The following NOP53 variants were observed in gnomAD, a reference collection of about 807,000 sequenced individuals.
The protein encoded by NOP53 is ribosome biogenesis protein NOP53.
Under a neutral mutation model 61.0 loss-of-function variants are expected in NOP53, and 40 were observed. That is an observed-to-expected ratio of 0.66 (90% CI 0.51 to 0.85). The LOEUF (loss-of-function observed/expected upper bound fraction) is 0.85, where lower values mean the gene tolerates loss of function less well. Among genes scored for constraint, NOP53 ranks in the 40% least tolerant of loss-of-function variants. NOP53 has a pLI of 0.00. For synonymous variants in NOP53, 308 were observed against 289.5 expected (o/e 1.06, Z -0.65); for missense variants, 689 against 652.9 (o/e 1.06, Z -0.60).
intron 8 of NOP53, among the ~76,000 whole-genome samples, 155 bp downstream of exon 8, chr19:47,755,046 G>C (rs1383238160): frequency 6.6e-6 from 1 of 152,182 alleles, no homozygotes; most frequent in Non-Finnish European, 1.5e-5. Flanking sequence ...TCACAGCTGA[G>C]ACTCATTTCC....
intron 1 of NOP53, chr19:47,746,052 C>T: frequency 2.0e-6 from 1 of 488,290 alleles, no homozygotes; most frequent in Non-Finnish European, 3.6e-6. Context: ...TAATTTTTAG[C>T]ATAAATACGT....
In NOP53 at chr19:47,745,724, G is replaced by A. The variant is rs1322029752; in HGVS notation, c.165G>A (p.Pro55=). 6.2e-7 allele frequency: 1 copy of A among 1,609,748 alleles called. No homozygotes were observed. Among genetic ancestry groups the A allele is most frequent in the South Asian group, 1.1e-5 (1 of 90,914 alleles). ...KRGWRRLAQE[P]LGLEVDQFLE... ...GCTGGCGGCGGCTTGCTCAGGAGCCGCTGGGGCTGGAGGTTGACCAGTTCC... is the reference window on the plus strand; with the variant it reads ...GCTGGCGGCGGCTTGCTCAGGAGCCACTGGGGCTGGAGGTTGACCAGTTCC... Residue 55 remains proline, a synonymous_variant, in exon 1 of 13, where the codon CCG becomes CCA. Coordinates refer to ENST00000246802, the MANE Select transcript of NOP53 (RefSeq NM_015710.5).
Position 47,754,934 on chromosome 19 carries a change from C to T in NOP53, c.1053+43C>T, listed in dbSNP as rs911084354. 22 of 1,455,948 alleles carry T rather than the reference C, an allele frequency of 1.5e-5. No individual in the cohort carries two copies. The highest frequency in any genetic ancestry group is 1.9e-5 in the Non-Finnish European group (21 of 1,108,724). The allele number at this position is 1,455,948 out of a possible 1,614,324, so 90.2% of individuals were successfully genotyped here. A position where few individuals can be genotyped will look rare whatever the true frequency, so the allele number is the denominator to read the frequency against. ...CGGGGCCTGCCTCTGATGCCTCGCC[C>T]CCTTCCTTCCTTCCTCCCACCATGG... On this transcript the variant is annotated intron_variant, in intron 8 of 12. Coordinates refer to ENST00000246802, the MANE Select transcript of NOP53 (RefSeq NM_015710.5). The surrounding 1 kb of genome is among the most constrained non-coding windows in gnomAD (Gnocchi z 4.2).
intron 12 of NOP53, 23 bp downstream of exon 12, chr19:47,756,767 CAAGG>C (rs1967206376): frequency 1.9e-6 from 3 of 1,611,602 alleles, no homozygotes; most frequent in East Asian, 2.2e-5. Context: ...GGCTTCGGCG[CAAGG>C]AAGGGAGCCC....
Position 47,754,826 on chromosome 19 carries a change from CG to C in NOP53, c.989del (p.Arg330ProfsTer51), listed in dbSNP as rs1408162175. Reference sequence around the variant, plus strand: ...TGCCGAGGTCTGTCCCACGCCCGCCCGCCTGGCCACCACAGAGAAGAAGACG... The same window carrying C: ...TGCCGAGGTCTGTCCCACGCCCGCCCCCTGGCCACCACAGAGAAGAAGACG... Reference protein sequence around the residue: ...GDAEVCPTPARLATTEKKTEQ... With the variant: ...GDAEVCPTPAXLATTEKKTEQ... On this transcript the variant is annotated frameshift_variant, in exon 8 of 13. Coordinates refer to ENST00000246802, the MANE Select transcript of NOP53 (RefSeq NM_015710.5). LOFTEE classifies it high-confidence loss of function. This position sits in a 1 kb window ranked among gnomAD's most constrained non-coding sequence, Gnocchi z 4.2. 2 of 1,536,694 alleles carry C rather than the reference CG, an allele frequency of 1.3e-6. No individual in the cohort carries two copies. Among genetic ancestry groups the C allele is most frequent in the African/African-American group, 2.8e-5 (2 of 72,194 alleles).
rs370798255 is a variant in NOP53, at chr19:47,754,683, CCT to C, written c.871-25_871-24del. 7.3e-5 allele frequency: 112 copies of C among 1,540,144 alleles called. No homozygotes were observed. In the East Asian group the frequency reaches 1.3e-3, roughly 18 times the overall value. On this transcript the variant is annotated intron_variant, in intron 7 of 12. Transcript: ENST00000246802. This position sits in a 1 kb window ranked among gnomAD's most constrained non-coding sequence, Gnocchi z 4.2. ...CCCCTCCCCGGGCCTCCTACCCACCCCTGACACTGCACCCCGCCTCCCCAGGA... is the reference window on the plus strand; with the variant it reads ...CCCCTCCCCGGGCCTCCTACCCACCCGACACTGCACCCCGCCTCCCCAGGA...
At position 47,746,796 on chromosome 19, in the gene NOP53, C is replaced by T. The variant is rs1599912175; in HGVS notation, c.225-171C>T. The stretch of plus-strand genomic sequence containing the variant: ...GGGATTACAGGCGTGAGCCACTGCG[C>T]CTGGCAGTCCTTCCTAAATACTAAG... On this transcript the variant is annotated intron_variant, in intron 1 of 12. Coordinates refer to ENST00000246802, the MANE Select transcript of NOP53 (RefSeq NM_015710.5). 8 of 567,290 alleles carry T rather than the reference C, an allele frequency of 1.4e-5. No individual in the cohort carries two copies. In the East Asian group the frequency reaches 2.5e-4, roughly 18 times the overall value. The allele number at this position is 567,290 out of a possible 1,614,324, so 35.1% of individuals were successfully genotyped here. A position where few individuals can be genotyped will look rare whatever the true frequency, so the allele number is the denominator to read the frequency against.
intron 4 of NOP53, 93 bp from the exon 5 acceptor site, chr19:47,751,427 C>A: frequency 1.0e-6 from 1 of 964,558 alleles, no homozygotes; most frequent in Non-Finnish European, 1.7e-6. Context: ...GCTTCAGGGT[C>A]ACCTTTTTGA....
chr19:47,754,612 C>T lies in NOP53; in HGVS notation c.851C>T (p.Thr284Met), dbSNP rs200463741. 9,953 of 1,549,168 alleles carry T rather than the reference C, an allele frequency of 6.4e-3. 63 individuals carry two copies. The highest frequency in any genetic ancestry group is 0.026 in the Middle Eastern group (114 of 4,378). ...GAGCGGCAGCTGGCCCTGCCCGCCA[C>T]GGAGCAGGCCGCCACCCAGGTGAGC... ...KLERQLALPA[T>M]EQAATQESTF... is the part of the protein sequence containing the mutation. The change falls in exon 7 of 13, where the codon ACG becomes ATG. Residue 284 changes from threonine (T) to methionine (M), a missense_variant. Coordinates refer to ENST00000246802, the MANE Select transcript of NOP53 (RefSeq NM_015710.5). This position sits in a 1 kb window ranked among gnomAD's most constrained non-coding sequence, Gnocchi z 4.2.
rs779586743 is a variant in NOP53, at chr19:47,750,281, C to A, written c.393C>A (p.Pro131=). 8 of 1,582,358 alleles carry A rather than the reference C, an allele frequency of 5.1e-6. No homozygotes were observed. In the South Asian group the frequency reaches 8.8e-5, roughly 17 times the overall value. ...AGAACACATCCAAAGTCCCTGCCCC[C>A]AAAGAGTGAGTGTCCCAGCATCCCT... is the stretch of plus-strand genomic sequence containing the variant. ...ILENTSKVPA[P]KDVLAHQVPN... Residue 131 remains proline (P), a synonymous_variant, in exon 3 of 13, where the codon CCC becomes CCA. Transcript: ENST00000246802.
chr19:47,756,804 C>G (rs1311675073), intron 12 of NOP53, 60 bp downstream of exon 12: 8 of 1,574,876 alleles, frequency 5.1e-6, no homozygotes, highest in Non-Finnish European at 7.0e-6. Flanking sequence ...GTGGTGCCCA[C>G]CGAGTCCCAG....
Position 47,745,579 on chromosome 19 carries a change from G to T in NOP53, c.20G>T (p.Gly7Val). 1 of 1,613,942 alleles carries T rather than the reference G, an allele frequency of 6.2e-7. No individual in the cohort carries two copies. Among genetic ancestry groups the T allele is most frequent in the Non-Finnish European group, 8.5e-7 (1 of 1,179,968 alleles). The part of the protein sequence containing the change: MAAGGS[G>V]VGGKRSSKSD... ...GACAAGATGGCGGCAGGAGGCAGTGGCGTTGGTGGGAAGCGCAGCTCGAAA... is the reference window on the plus strand; with the variant it reads ...GACAAGATGGCGGCAGGAGGCAGTGTCGTTGGTGGGAAGCGCAGCTCGAAA... Residue 7 changes from glycine (G) to valine (V), a missense_variant, in exon 1 of 13, where the codon GGC becomes GTC. Gly to Val is a moderately radical substitution (Grantham distance 109, BLOSUM62 -3). Coordinates refer to ENST00000246802, the MANE Select transcript of NOP53 (RefSeq NM_015710.5).
At position 47,754,622 on chromosome 19, in the gene NOP53, C is replaced by T. The variant is rs368754551; in HGVS notation, c.861C>T (p.Ala287=). The change falls in exon 7 of 13, where the codon GCC becomes GCT. Residue 287 remains alanine (A), a synonymous_variant. Transcript: ENST00000246802. The surrounding 1 kb of genome is among the most constrained non-coding windows in gnomAD (Gnocchi z 4.2). ...TGGCCCTGCCCGCCACGGAGCAGGCCGCCACCCAGGTGAGCCCCGCACCTG... is the reference window on the plus strand; with the variant it reads ...TGGCCCTGCCCGCCACGGAGCAGGCTGCCACCCAGGTGAGCCCCGCACCTG... ...RQLALPATEQ[A]ATQESTFQEL... The T allele has an allele frequency of 9.5e-5, 147 of 1,549,280 alleles. 1 individual carries two copies. In the African/African-American group the frequency reaches 1.7e-3, roughly 18 times the overall value.
In NOP53 at chr19:47,755,348, C is replaced by A. The variant is rs556948515; in HGVS notation, c.1054C>A (p.Arg352=). ...RRREKAVHRL[R]VQQAALRAAR... is the part of the protein sequence containing the mutation. ...CCCTGACCCTCCCCCGTCTCCACAGCGGGTACAGCAGGCCGCGTTGCGGGC... is the reference window on the plus strand; with the variant it reads ...CCCTGACCCTCCCCCGTCTCCACAGAGGGTACAGCAGGCCGCGTTGCGGGC... The change falls in exon 9 of 13, where the codon CGG becomes AGG. Residue 352 remains arginine, a splice_region_variant and synonymous_variant. Transcript: ENST00000246802. 2.3e-4 allele frequency: 341 copies of A among 1,502,756 alleles called. No individual in the cohort carries two copies. In the African/African-American group the frequency reaches 4.5e-3, roughly 20 times the overall value. The allele number at this position is 1,502,756 out of a possible 1,614,324, so 93.1% of individuals were successfully genotyped here. A position where few individuals can be genotyped will look rare whatever the true frequency, so the allele number is the denominator to read the frequency against.
intron 12 of NOP53, 121 bp from the exon 13 acceptor site, chr19:47,756,878 C>G: frequency 6.5e-7 from 1 of 1,528,862 alleles, no homozygotes; most frequent in Middle Eastern, 1.7e-4. Flanking sequence ...AGAAGAGGCC[C>G]TGAAACCAGA....
At position 47,756,993 on chromosome 19, in the gene NOP53, C is replaced by T. The variant is rs377676096; in HGVS notation, c.1431-6C>T. ...CCCACCCTCAGCTCCTTTCCTCTGT[C>T]CCCAGGTTGTAGCTGCCATCAGATG... On this transcript the variant is annotated splice_region_variant and splice_polypyrimidine_tract_variant and intron_variant, in intron 12 of 12. Transcript: ENST00000246802. The T allele has an allele frequency of 1.5e-5, 24 of 1,613,984 alleles. No homozygotes were observed. Among genetic ancestry groups the T allele is most frequent in the Non-Finnish European group, 1.9e-5 (22 of 1,179,956 alleles).
intron 1 of NOP53, 82 bp downstream of exon 1, chr19:47,745,865 G>A: frequency 1.8e-5 from 1 of 56,230 alleles, no homozygotes; most frequent in Non-Finnish European, 3.4e-5. Flanking sequence ...GGACTCGTCG[G>A]GGGTCGGGGG....
chr19:47,747,154 C>T, intron 2 of NOP53, 123 bp downstream of exon 2: 1 of 755,680 alleles, frequency 1.3e-6, no homozygotes, highest in East Asian at 2.8e-5. Context: ...ACAGGTCAAC[C>T]TTAATATAAA....
rs779428264 is a variant in NOP53, at chr19:47,750,277, C to T, written c.389C>T (p.Ala130Val). The T allele has an allele frequency of 5.3e-5, 85 of 1,592,816 alleles. No individual in the cohort carries two copies. The Admixed American group carries it at 1.4e-3, about 26-fold the overall frequency. The change falls in exon 3 of 13, where the codon GCC becomes GTC. Residue 130 changes from alanine (A) to valine (V), a missense_variant. By Grantham distance (64) the Ala-to-Val change is moderately conservative. Coordinates refer to ENST00000246802, the MANE Select transcript of NOP53 (RefSeq NM_015710.5). ...CTCGAGAACACATCCAAAGTCCCTGCCCCCAAAGAGTGAGTGTCCCAGCAT... is the reference window on the plus strand; with the variant it reads ...CTCGAGAACACATCCAAAGTCCCTGTCCCCAAAGAGTGAGTGTCCCAGCAT... ...LILENTSKVPAPKDVLAHQVP... is the reference protein window; with the variant it reads ...LILENTSKVPVPKDVLAHQVP...
Sources: allele counts gnomAD v4.1 joint callset (sites outside exome capture counted in the v4.1 genomes callset), GRCh38; gene constraint gnomAD v4.1.1; non-coding constraint Gnocchi (gnomAD v3.1); transcripts MANE v1.5; gene names NCBI Gene and HGNC (gene_info 2026-07-23, HGNC 2026-07-21).